Variants in PIAS2 observed in about 807,000 individuals in gnomAD.
The protein encoded by PIAS2 is E3 SUMO-protein ligase PIAS2.
A neutral mutation model predicts 69.7 loss-of-function variants in PIAS2; 19 were observed. That is an observed-to-expected ratio of 0.27 (90% confidence interval 0.19 to 0.40). The LOEUF (loss-of-function observed/expected upper bound fraction) is 0.40. Among genes scored for constraint, PIAS2 ranks in the 10% least tolerant of loss-of-function variants. The pLI is 1.00. For missense variants in PIAS2, 624 were observed against 757.0 expected (o/e 0.82, Z 2.06); for synonymous variants, 261 against 263.2 (o/e 0.99, Z 0.08).
intron 5 of PIAS2, 80 bp from the exon 6 acceptor site, chr18:46,846,921 C>T: frequency 8.1e-7 from 1 of 1,236,900 alleles, no homozygotes; most frequent in Non-Finnish European, 1.1e-6. Context: ...ATACAGGATC[C>T]TGCCCAATTT....
chr18:46,829,947 T>C (rs2043356148), intron 9 of PIAS2, 80 bp from the exon 10 acceptor site: 1 of 1,273,146 alleles, frequency 7.9e-7, no homozygotes, highest in Non-Finnish European at 1.1e-6. Context: ...ACACATTACC[T>C]TGAAAACATA....
chr18:46,823,497 ATG>A (rs1344421151), intron 11 of PIAS2, among the ~76,000 whole-genome samples: 2 of 152,300 alleles, frequency 1.3e-5, no homozygotes, highest in East Asian at 3.9e-4. Flanking sequence ...AGTCAAGTGA[ATG>A]TACCTACACA....
intron 1 of PIAS2, chr18:46,893,403 G>C: frequency 1.1e-6 from 1 of 887,356 alleles, no homozygotes; most frequent in Non-Finnish European, 1.4e-6. Flanking sequence ...TTACAGAAAT[G>C]ACAAAACAAA....
intron 5 of PIAS2, among the ~76,000 whole-genome samples, chr18:46,847,176 C>T (rs1347615312): frequency 6.6e-6 from 1 of 152,014 alleles, no homozygotes; most frequent in Admixed American, 6.6e-5. Context: ...CTTTTTATAA[C>T]GATTCATCCT....
At chr18:46,837,025 C>CAGT (rs2044541027) in intron 8 of PIAS2, among the ~76,000 whole-genome samples, 1 of 152,120 alleles carries the variant, frequency 6.6e-6, no homozygotes. Flanking sequence ...TTAATCAGTA[C>CAGT]ACTAATGACT....
At chr18:46,874,129 A>G (rs549185831) in intron 2 of PIAS2, among the ~76,000 whole-genome samples, 64 of 152,324 alleles carry the variant, frequency 4.2e-4, no homozygotes, top group African/African-American at 1.5e-3. Flanking sequence ...AAAACAAGTT[A>G]CAGATAATTG....
intron 2 of PIAS2, among the ~76,000 whole-genome samples, chr18:46,889,419 A>G (rs185424039): frequency 0.014 from 2,088 of 152,346 alleles, 22 homozygotes; most frequent in Non-Finnish European, 0.024. Context: ...AAAAATGGGC[A>G]AGAGACTTGG....
intron 8 of PIAS2, among the ~76,000 whole-genome samples, chr18:46,841,628 A>G (rs1034896504): frequency 2.6e-5 from 4 of 152,218 alleles, no homozygotes; most frequent in Non-Finnish European, 5.9e-5. Context: ...TTATGTTAAC[A>G]CTACTACTAT....
At chr18:46,917,058 C>T in intron 1 of PIAS2, 10 of 988,458 alleles carry the variant, frequency 1.0e-5, no homozygotes, top group Non-Finnish European at 1.2e-5. Flanking sequence ...CCCCGACCCC[C>T]CGCGCCAGGT....
chr18:46,888,428 A>C (rs1357948064), intron 2 of PIAS2, among the ~76,000 whole-genome samples: 3 of 152,118 alleles, frequency 2.0e-5, no homozygotes, highest in African/African-American at 7.2e-5. Context: ...CAAGGGCCCC[A>C]AATAGCCAAA....
chr18:46,902,432 T>C (rs974324669), intron 1 of PIAS2, among the ~76,000 whole-genome samples: 1 of 151,830 alleles, frequency 6.6e-6, no homozygotes, highest in Non-Finnish European at 1.5e-5. Flanking sequence ...TGGTGGCACA[T>C]GCCTGTAATC....
chr18:46,886,701 G>A (rs909330867), intron 2 of PIAS2, among the ~76,000 whole-genome samples: 5 of 152,014 alleles, frequency 3.3e-5, no homozygotes, highest in Non-Finnish European at 5.9e-5. Flanking sequence ...GCCCGGTGTG[G>A]TGGCACATGC....
chr18:46,899,462 T>G (rs1274500100), intron 1 of PIAS2, among the ~76,000 whole-genome samples: 1 of 152,170 alleles, frequency 6.6e-6, no homozygotes, highest in Non-Finnish European at 1.5e-5. Context: ...CAGAGTAATC[T>G]AGAGGAATGA....
chr18:46,884,915 C>CAAA (rs34131713), intron 2 of PIAS2, among the ~76,000 whole-genome samples: 3 of 139,354 alleles, frequency 2.2e-5, no homozygotes, highest in Non-Finnish European at 3.1e-5. Context: ...AAATCTGTCT[C>CAAA]AAAAAAAAAA....
intron 1 of PIAS2, chr18:46,904,205 CT>C (rs1340718128): frequency 6.6e-6 from 1 of 151,172 alleles, no homozygotes; most frequent in East Asian, 1.9e-4. Flanking sequence ...AAGATGTTAA[CT>C]CTGAAAAAAA....
chr18:46,842,460 C>T (rs576579831), intron 8 of PIAS2, among the ~76,000 whole-genome samples: 11 of 152,130 alleles, frequency 7.2e-5, no homozygotes, highest in African/African-American at 1.9e-4. Flanking sequence ...GACTTTCTTC[C>T]TGATACAATA....
intron 2 of PIAS2, among the ~76,000 whole-genome samples, chr18:46,885,595 C>G (rs900908015): frequency 1.3e-5 from 2 of 151,442 alleles, no homozygotes; most frequent in Non-Finnish European, 2.9e-5. Context: ...TTCAAAATCC[C>G]AAGAGGTTCT....
At chr18:46,910,190 T>TA (rs1258272691) in intron 1 of PIAS2, among the ~76,000 whole-genome samples, 2 of 152,042 alleles carry the variant, frequency 1.3e-5, no homozygotes, top group African/African-American at 4.8e-5. Flanking sequence ...AAATTTTACA[T>TA]ATGTATATAT....
chr18:46,862,608 T>TAAAGGA (rs1270429381), intron 3 of PIAS2, among the ~76,000 whole-genome samples: 1 of 152,084 alleles, frequency 6.6e-6, no homozygotes, highest in Non-Finnish European at 1.5e-5. Flanking sequence ...TTGTTAACAC[T>TAAAGGA]AAAGGTGTGT....
Sources: allele counts gnomAD v4.1 joint callset (sites outside exome capture counted in the v4.1 genomes callset), GRCh38; gene constraint gnomAD v4.1.1; transcripts MANE v1.5; gene names NCBI Gene and HGNC (gene_info 2026-07-23, HGNC 2026-07-21).